The following RABGAP1L variants were observed in gnomAD, a reference collection of about 807,000 sequenced individuals.
RABGAP1L encodes the protein RAB GTPase activating protein 1 like, also known as rab GTPase-activating protein 1-like.
RABGAP1L carries 63 observed loss-of-function variants against 137.7 expected under a neutral mutation model. The observed-to-expected ratio is 0.46, with a 90% CI of 0.37 to 0.56. RABGAP1L has a LOEUF of 0.56. RABGAP1L is among the 20% of genes least tolerant of loss of function. The pLI is 0.00. For synonymous variants in RABGAP1L, 431 were observed against 433.7 expected (o/e 0.99, Z 0.08); for missense variants, 1,095 against 1,244.0 (o/e 0.88, Z 1.80).
At chr1:174,500,355 C>T (rs1279276591) in intron 13 of RABGAP1L, among the ~76,000 whole-genome samples, 2 of 152,162 alleles carry the variant, frequency 1.3e-5, no homozygotes, top group Non-Finnish European at 2.9e-5. Flanking sequence ...GCTGGCATTA[C>T]AGGTGTGAGC....
intron 19 of RABGAP1L, among the ~76,000 whole-genome samples, chr1:174,818,757 C>G (rs1018356564): frequency 3.3e-5 from 5 of 151,918 alleles, no homozygotes; most frequent in Non-Finnish European, 7.4e-5. Context: ...ACCTGTAATC[C>G]CAGCACTTTG....
At chr1:174,252,380 T>G in intron 6 of RABGAP1L, 100 bp from the exon 7 acceptor site, 2 of 1,407,254 alleles carry the variant, frequency 1.4e-6, no homozygotes, top group Non-Finnish European at 1.9e-6. Context: ...ATAAGGGTGT[T>G]GTTGCTTAAA....
chr1:174,814,538 A>C (rs1427294706), intron 19 of RABGAP1L, among the ~76,000 whole-genome samples: 1 of 152,150 alleles, frequency 6.6e-6, no homozygotes, highest in Non-Finnish European at 1.5e-5. Flanking sequence ...GTAGGTCTCC[A>C]ATCCAAAGGT....
In RABGAP1L at chr1:174,298,480, C is replaced by A. The variant is rs1254302161; in HGVS notation, c.1324-6506C>A. On this transcript the variant is annotated intron_variant, in intron 10 of 25. Transcript: ENST00000681986. ...TTAATAGGAAGGAATCAGCCACACT[C>A]ACCTGCGCTGTGCCTTTTAACTTCC... Among the ~76,000 whole-genome samples the A allele has an allele frequency of 3.3e-5, 5 of 152,222 alleles. No homozygotes were observed. The South Asian group carries it at 1.0e-3, about 32-fold the overall frequency.
chr1:174,440,194 G>T (rs1006875756), intron 13 of RABGAP1L, among the ~76,000 whole-genome samples: 1 of 152,162 alleles, frequency 6.6e-6, no homozygotes, highest in Non-Finnish European at 1.5e-5. Flanking sequence ...GAAGAGAAGT[G>T]AGACTGGATG....
rs201813592 is a variant in RABGAP1L, at chr1:174,448,695, C to T, written c.1710+54550C>T. 103 of 1,613,302 alleles carry T rather than the reference C, an allele frequency of 6.4e-5. No individual in the cohort carries two copies. Among genetic ancestry groups the T allele is most frequent in the Admixed American group, 4.5e-4 (27 of 59,992 alleles). ...GGTGACATTTTTGAATGGTGTGCCA[C>T]GTCTTGGCTCACCAGTGCCTATTTT... On this transcript the variant is annotated intron_variant, in intron 13 of 25. Transcript: ENST00000681986. This position sits in a 1 kb window ranked among gnomAD's most constrained non-coding sequence, Gnocchi z 4.2.
intron 13 of RABGAP1L, among the ~76,000 whole-genome samples, chr1:174,565,566 G>A (rs749708688): frequency 4.0e-4 from 61 of 151,964 alleles, no homozygotes; most frequent in Middle Eastern, 3.4e-3. Flanking sequence ...ATTCCTTTAC[G>A]TATGTTAATA....
intron 13 of RABGAP1L, among the ~76,000 whole-genome samples, chr1:174,452,740 T>A (rs913057695): frequency 2.6e-5 from 4 of 152,060 alleles, no homozygotes; most frequent in African/African-American, 9.7e-5. Flanking sequence ...TTTTTGTATT[T>A]TTAGTAGAGC....
At chr1:174,840,313 C>T (rs1276785708) in intron 19 of RABGAP1L, among the ~76,000 whole-genome samples, 1 of 152,124 alleles carries the variant, frequency 6.6e-6, no homozygotes, top group Non-Finnish European at 1.5e-5. Flanking sequence ...AACATGAACC[C>T]TATCTTCAAA....
chr1:174,682,392 C>CTGGA (rs1281799018), intron 14 of RABGAP1L, among the ~76,000 whole-genome samples: 2 of 150,980 alleles, frequency 1.3e-5, no homozygotes, highest in Non-Finnish European at 2.9e-5. Flanking sequence ...GGTTCAGTGA[C>CTGGA]TGGACCATGA....
At chr1:174,166,371 T>C (rs1331333384) in intron 1 of RABGAP1L, among the ~76,000 whole-genome samples, 2 of 152,164 alleles carry the variant, frequency 1.3e-5, no homozygotes, top group African/African-American at 4.8e-5. Flanking sequence ...TGGAGGCAGG[T>C]TTAGTTCAGG....
intron 13 of RABGAP1L, among the ~76,000 whole-genome samples, chr1:174,433,664 G>A (rs558013697): frequency 9.2e-5 from 14 of 152,182 alleles, no homozygotes; most frequent in Non-Finnish European, 1.9e-4. Flanking sequence ...CAGATATACT[G>A]ATTGAGTGTG....
intron 1 of RABGAP1L, among the ~76,000 whole-genome samples, chr1:174,172,314 T>C (rs139585143): frequency 6.6e-6 from 1 of 152,194 alleles, no homozygotes; most frequent in African/African-American, 2.4e-5. Flanking sequence ...AATGAATATG[T>C]GAAAGCATAT....
At chr1:174,424,060 A>G (rs1651668402) in intron 13 of RABGAP1L, among the ~76,000 whole-genome samples, 1 of 152,184 alleles carries the variant, frequency 6.6e-6, no homozygotes, top group Non-Finnish European at 1.5e-5. Flanking sequence ...GAGATCACAA[A>G]GAAAGCATAG....
intron 7 of RABGAP1L, among the ~76,000 whole-genome samples, chr1:174,261,189 T>C (rs1045139235): frequency 6.6e-6 from 1 of 152,110 alleles, no homozygotes; most frequent in Non-Finnish European, 1.5e-5. Flanking sequence ...AGAGTTGTTA[T>C]AAGCACACAA....
chr1:174,668,132 A>T (rs1025494006), intron 14 of RABGAP1L, among the ~76,000 whole-genome samples: 1 of 152,200 alleles, frequency 6.6e-6, no homozygotes, highest in Admixed American at 6.5e-5. Flanking sequence ...AGATTCTAGA[A>T]TTAGCATTTT....
intron 13 of RABGAP1L, among the ~76,000 whole-genome samples, chr1:174,470,517 A>G (rs1008883943): frequency 6.6e-6 from 1 of 152,178 alleles, no homozygotes; most frequent in Non-Finnish European, 1.5e-5. Context: ...CTGTAATCCT[A>G]GCACTTTGGA....
At chr1:174,477,904 A>G (rs1658670415) in intron 13 of RABGAP1L, among the ~76,000 whole-genome samples, 1 of 152,144 alleles carries the variant, frequency 6.6e-6, no homozygotes, top group South Asian at 2.1e-4. Context: ...GTATTTATAT[A>G]AAACCTGCAT....
chr1:174,982,775 G>A, intron 23 of RABGAP1L, 59 bp from the exon 24 acceptor site: 1 of 1,469,342 alleles, frequency 6.8e-7, no homozygotes, highest in Non-Finnish European at 9.3e-7. Flanking sequence ...AAGTAGTTAT[G>A]TGTACATGCT....
Sources: gnomAD v4.1 joint callset for allele counts (sites outside exome capture counted in the v4.1 genomes callset) on GRCh38, gnomAD v4.1.1 for gene constraint, Gnocchi (gnomAD v3.1) non-coding constraint, MANE v1.5 for transcripts, NCBI Gene and HGNC (gene_info 2026-07-23, HGNC 2026-07-21) for gene names.